Variants in RANBP2 observed in about 807,000 individuals in gnomAD.
RANBP2 encodes E3 SUMO-protein ligase RanBP2.
A neutral mutation model predicts 303.6 loss-of-function variants in RANBP2; 57 were observed. That is an observed-to-expected ratio of 0.19 (90% CI 0.15 to 0.23). The LOEUF (loss-of-function observed/expected upper bound fraction) is 0.23. Among genes scored for constraint, RANBP2 ranks in the 10% least tolerant of loss-of-function variants. The probability of loss-of-function intolerance (pLI) is 1.00; values close to 1 mark genes in which losing one functional copy is unlikely to be tolerated. For synonymous variants in RANBP2, 1,167 were observed against 1,301.5 expected (o/e 0.90, Z 2.23); for missense variants, 3,138 against 3,780.8 (o/e 0.83, Z 4.46).
At chr2:108,815,984 T>C in the RANBP2 span, 4 of 1,613,466 alleles carry the variant, frequency 2.5e-6, no homozygotes, top group African/African-American at 4.0e-5. Flanking sequence ...ACTGTCTTCA[T>C]GGACTGGATT....
At chr2:109,034,362 A>C in the RANBP2 span, among the ~76,000 whole-genome samples, 1 of 150,898 alleles carries the variant, frequency 6.6e-6, no homozygotes, top group East Asian at 2.0e-4. Context: ...TATTTATGGG[A>C]CTATTGGGTC....
At chr2:109,545,714 T>TTAGC in the RANBP2 span, 10 of 1,453,280 alleles carry the variant, frequency 6.9e-6, no homozygotes, top group East Asian at 2.5e-4. Flanking sequence ...TCAGCAGCCA[T>TTAGC]TAGCTGTGTA....
At chr2:109,666,132 T>TA in the RANBP2 span, among the ~76,000 whole-genome samples, 15,853 of 138,850 alleles carry the variant, frequency 0.11, 1,155 homozygotes, top group East Asian at 0.26. Context: ...AACAAAAAAC[T>TA]AAAAAAAAAA....
the RANBP2 span, among the ~76,000 whole-genome samples, chr2:108,926,862 G>A: frequency 5.9e-5 from 9 of 152,222 alleles, no homozygotes; most frequent in African/African-American, 1.9e-4. Context: ...AGGAATGAAC[G>A]CAGCCTTTCA....
At chr2:109,071,639 A>G in the RANBP2 span, among the ~76,000 whole-genome samples, 1 of 151,570 alleles carries the variant, frequency 6.6e-6, no homozygotes, top group Non-Finnish European at 1.5e-5. Flanking sequence ...ACACCACTGC[A>G]CTCTAGCAAG....
the RANBP2 span, among the ~76,000 whole-genome samples, chr2:109,376,833 C>CT: frequency 1.3e-5 from 2 of 152,252 alleles, no homozygotes; most frequent in African/African-American, 4.8e-5. Flanking sequence ...CTCAGCATCT[C>CT]TGACAGTAAA....
At chr2:109,277,950 G>A in the RANBP2 span, among the ~76,000 whole-genome samples, 2 of 149,762 alleles carry the variant, frequency 1.3e-5, no homozygotes, top group Admixed American at 1.4e-4. Context: ...TGAGGTGAGA[G>A]GATCAGTTGA....
chr2:109,264,942 A>AT, the RANBP2 span, among the ~76,000 whole-genome samples: 2 of 152,130 alleles, frequency 1.3e-5, no homozygotes, highest in African/African-American at 4.8e-5. Context: ...GAAATGTAGG[A>AT]TTTTGTGGGT....
chr2:109,292,065 G>A, the RANBP2 span, among the ~76,000 whole-genome samples: 12 of 152,070 alleles, frequency 7.9e-5, no homozygotes, highest in Admixed American at 1.3e-4. Flanking sequence ...AGGTTTCACC[G>A]TGTTAGCCAG....
chr2:108,934,545 A>G, the RANBP2 span, among the ~76,000 whole-genome samples: 1 of 152,156 alleles, frequency 6.6e-6, no homozygotes, highest in Admixed American at 6.5e-5. Context: ...ACAGAATACC[A>G]CGGACTGGCT....
At chr2:108,857,509 A>C in the RANBP2 span, among the ~76,000 whole-genome samples, 1 of 152,092 alleles carries the variant, frequency 6.6e-6, no homozygotes, top group African/African-American at 2.4e-5. Flanking sequence ...CACATCTCTG[A>C]CTCTAGACCT....
chr2:109,671,302 G>A, the RANBP2 span, among the ~76,000 whole-genome samples: 4 of 152,194 alleles, frequency 2.6e-5, no homozygotes, highest in Admixed American at 6.5e-5. Flanking sequence ...GCCAGGGCAG[G>A]GGCAGGGCTG....
chr2:109,065,799 G>A, the RANBP2 span, among the ~76,000 whole-genome samples: 1 of 152,212 alleles, frequency 6.6e-6, no homozygotes, highest in Non-Finnish European at 1.5e-5. Context: ...CTTACGAGCT[G>A]CTTGAGCTTC....
chr2:109,553,868 A>G, the RANBP2 span, among the ~76,000 whole-genome samples: 1 of 152,014 alleles, frequency 6.6e-6, no homozygotes, highest in Non-Finnish European at 1.5e-5. Context: ...AAAAAAAAAA[A>G]GTGATACAAT....
the RANBP2 span, among the ~76,000 whole-genome samples, chr2:108,968,164 G>C: frequency 1.7e-3 from 262 of 152,240 alleles, 1 homozygote; most frequent in African/African-American, 5.8e-3. Flanking sequence ...TCTCACTTTA[G>C]TGGAAACTGT....
the RANBP2 span, among the ~76,000 whole-genome samples, chr2:109,691,660 G>A: frequency 6.6e-6 from 1 of 152,288 alleles, no homozygotes; most frequent in East Asian, 1.9e-4. Flanking sequence ...GGAGGGGATA[G>A]GGAGGGACAA....
In RANBP2 at chr2:108,751,402, T is replaced by C. The variant is rs1675871697; in HGVS notation, c.1412T>C (p.Leu471Pro). ...FHHLPHETSR[L>P]ETNAPESICI... is the part of the protein sequence containing the mutation. ...CATTTGCCCCATGAAACCTCAAGGC[T>C]TGAAACAAATGCACCTGAATCAATA... is the stretch of plus-strand genomic sequence containing the variant. The change falls in exon 10 of 29, where the codon CTT becomes CCT. Residue 471 changes from leucine to proline, a missense_variant. Leu to Pro is a moderately conservative substitution (Grantham distance 98, BLOSUM62 -3). Transcript: ENST00000283195. 6.2e-7 allele frequency: 1 copy of C among 1,612,038 alleles called. No individual in the cohort carries two copies. The highest frequency in any genetic ancestry group is 8.5e-7 in the Non-Finnish European group (1 of 1,179,866).
chr2:108,910,667 A>G, the RANBP2 span: 19 of 1,427,880 alleles, frequency 1.3e-5, no homozygotes, highest in African/African-American at 2.8e-5. Context: ...TAAGCACAGT[A>G]TGGTTCAGCA....
the RANBP2 span, among the ~76,000 whole-genome samples, chr2:109,579,275 T>C: frequency 6.6e-6 from 1 of 152,162 alleles, no homozygotes; most frequent in Non-Finnish European, 1.5e-5. Flanking sequence ...TTTTTAAAAA[T>C]TAAACTCAAA....
Sources: gnomAD v4.1 joint callset for allele counts (sites outside exome capture counted in the v4.1 genomes callset) on GRCh38, gnomAD v4.1.1 for gene constraint, MANE v1.5 for transcripts, NCBI Gene and HGNC (gene_info 2026-07-23, HGNC 2026-07-21) for gene names.